Variants in GRXCR2 observed in about 807,000 individuals in gnomAD.
The protein encoded by GRXCR2 is glutaredoxin and cysteine rich domain containing 2.
Under a neutral mutation model 24.8 loss-of-function variants are expected in GRXCR2, and 23 were observed. That is an observed-to-expected ratio of 0.93 (90% CI 0.67 to 1.32). The LOEUF (loss-of-function observed/expected upper bound fraction) is 1.32, where lower values mean the gene tolerates loss of function less well. Ranked by LOEUF, GRXCR2 falls within the 40% of genes most tolerant of loss-of-function variation. The pLI, the probability that GRXCR2 is intolerant of heterozygous loss-of-function variation, is 0.00. For missense variants in GRXCR2, 315 were observed against 303.4 expected (o/e 1.04, Z -0.28); for synonymous variants, 130 against 116.1 (o/e 1.12, Z -0.77).
At chr5:145,923,021 A>G (rs566912252) in intron 2 of GRXCR2, among the ~76,000 whole-genome samples, 1 of 152,248 alleles carries the variant, frequency 6.6e-6, no homozygotes, top group Admixed American at 6.5e-5. Context: ...GGATCACCAC[A>G]TCAGTGCCAC....
chr5:145,906,103 G>A (rs1281217408), intron 2 of GRXCR2, among the ~76,000 whole-genome samples: 1 of 152,152 alleles, frequency 6.6e-6, no homozygotes, highest in Non-Finnish European at 1.5e-5. Context: ...AATGCAGGAT[G>A]AGCCTGGTAA....
chr5:145,885,455 C>G (rs769629987), intron 2 of GRXCR2, among the ~76,000 whole-genome samples: 2 of 152,120 alleles, frequency 1.3e-5, no homozygotes, highest in Non-Finnish European at 2.9e-5. Context: ...GCTTGTTCCA[C>G]GTTTCTCCCT....
upstream of GRXCR2, among the ~76,000 whole-genome samples, chr5:145,877,189 G>GA (rs1262779796): frequency 4.6e-5 from 7 of 151,382 alleles, no homozygotes; most frequent in Non-Finnish European, 1.0e-4. Context: ...TTCATACTGG[G>GA]AAAAAAATTG....
At chr5:145,901,263 A>G (rs1191357470) in intron 2 of GRXCR2, among the ~76,000 whole-genome samples, 1 of 152,110 alleles carries the variant, frequency 6.6e-6, no homozygotes, top group Non-Finnish European at 1.5e-5. Context: ...AATATACCCA[A>G]GTATATTATG....
intron 2 of GRXCR2, among the ~76,000 whole-genome samples, chr5:145,905,537 C>T (rs1483832460): frequency 6.6e-6 from 1 of 152,054 alleles, no homozygotes; most frequent in Non-Finnish European, 1.5e-5. Context: ...AATTTAGAGT[C>T]CAATAGAGGA....
At chr5:145,861,030 G>A (rs1756328530) in intron 2 of GRXCR2, among the ~76,000 whole-genome samples, 1 of 151,726 alleles carries the variant, frequency 6.6e-6, no homozygotes, top group South Asian at 2.1e-4. Context: ...AACCTTCCCA[G>A]AAATAAGGGG....
rs530827841 is a variant in GRXCR2, at chr5:145,915,482, C to A, written c.-70+20219G>T. 9.2e-5 allele frequency among the ~76,000 whole-genome samples: 14 copies of A among 152,200 alleles called. 1 individual carries two copies. In the South Asian group the frequency reaches 2.9e-3, roughly 32 times the overall value. Reference sequence around the variant, plus strand: ...AACAACCTCAAGCCACTGAATCCTGCTGGTTACAAACGTAGGCTCAGGCCG... The same window carrying A: ...AACAACCTCAAGCCACTGAATCCTGATGGTTACAAACGTAGGCTCAGGCCG... On this transcript the variant is annotated intron_variant, in intron 2 of 3. Coordinates refer to the GRXCR2 transcript ENST00000639411.
At chr5:145,884,436 A>G (rs1347393991) in intron 2 of GRXCR2, among the ~76,000 whole-genome samples, 3 of 152,180 alleles carry the variant, frequency 2.0e-5, no homozygotes, top group African/African-American at 4.8e-5. Flanking sequence ...AAGGAACTAG[A>G]GAATTATTGT....
At chr5:145,925,208 G>T (rs1338965256) in intron 2 of GRXCR2, among the ~76,000 whole-genome samples, 2 of 152,104 alleles carry the variant, frequency 1.3e-5, no homozygotes, top group Non-Finnish European at 2.9e-5. Context: ...TTAATAAGAT[G>T]GCACCAGCCA....
At chr5:145,873,024 G>A, upstream of GRXCR2, 4 of 1,446,934 alleles carry the variant, frequency 2.8e-6, no homozygotes, top group Non-Finnish European at 3.8e-6. Context: ...TGAAACTTGG[G>A]CCTCTGAGAA....
chr5:145,894,746 C>T (rs571546884), intron 2 of GRXCR2, among the ~76,000 whole-genome samples: 2 of 152,026 alleles, frequency 1.3e-5, no homozygotes, highest in African/African-American at 2.4e-5. Context: ...CTATTCCAAT[C>T]AATAGAAAAA....
intron 2 of GRXCR2, among the ~76,000 whole-genome samples, chr5:145,926,431 C>T (rs1341745719): frequency 6.6e-6 from 1 of 152,150 alleles, no homozygotes; most frequent in African/African-American, 2.4e-5. Flanking sequence ...GATCCAGTTT[C>T]AGCTTTCTAC....
At chr5:145,905,991 A>G (rs1234293451) in intron 2 of GRXCR2, among the ~76,000 whole-genome samples, 1 of 152,238 alleles carries the variant, frequency 6.6e-6, no homozygotes, top group African/African-American at 2.4e-5. Flanking sequence ...TGAATGCCAG[A>G]CCAAGAATTT....
chr5:145,907,930 G>A (rs1757113759), intron 2 of GRXCR2, among the ~76,000 whole-genome samples: 1 of 152,320 alleles, frequency 6.6e-6, no homozygotes, highest in African/African-American at 2.4e-5. Context: ...GTGCCTGCTA[G>A]ACTTCTAAGT....
intron 2 of GRXCR2, among the ~76,000 whole-genome samples, chr5:145,906,336 AG>A (rs1757089370): frequency 6.6e-6 from 1 of 151,396 alleles, no homozygotes. Context: ...CTTGGACTTT[AG>A]GGGAAAATGT....
rs560425082 is a variant in GRXCR2, at chr5:145,862,910, G to A, written c.565-2995C>T. Among the ~76,000 whole-genome samples, 11 of 152,284 alleles carry A rather than the reference G, an allele frequency of 7.2e-5. No homozygotes were observed. In the South Asian group the frequency reaches 2.3e-3, roughly 32 times the overall value. The stretch of plus-strand genomic sequence containing the variant: ...ACTGTTGCATGGAGCATTGGTCATG[G>A]TGCCTGGCTATCATGAGTCCTCAAT... On this transcript the variant is annotated intron_variant, in intron 2 of 2. Coordinates refer to ENST00000377976, the MANE Select transcript of GRXCR2 (RefSeq NM_001080516.2).
At chr5:145,901,657 T>G (rs1358583340) in intron 2 of GRXCR2, among the ~76,000 whole-genome samples, 1 of 152,094 alleles carries the variant, frequency 6.6e-6, no homozygotes, top group African/African-American at 2.4e-5. Flanking sequence ...ATGAGGTGGA[T>G]AGAGCAGGTC....
intron 2 of GRXCR2, among the ~76,000 whole-genome samples, chr5:145,891,713 C>T (rs960571095): frequency 8.3e-4 from 127 of 152,288 alleles, no homozygotes; most frequent in Non-Finnish European, 1.7e-3. Context: ...GGGGGCAGGG[C>T]ATAGCCAAAC....
chr5:145,892,352 T>C (rs980513540), intron 2 of GRXCR2, among the ~76,000 whole-genome samples: 3 of 152,028 alleles, frequency 2.0e-5, no homozygotes, highest in Non-Finnish European at 2.9e-5. Context: ...AGAAGGAAGT[T>C]CGAACCCATG....
Sources: allele counts gnomAD v4.1 joint callset (sites outside exome capture counted in the v4.1 genomes callset), GRCh38; gene constraint gnomAD v4.1.1; transcripts MANE v1.5; gene names NCBI Gene and HGNC (gene_info 2026-07-23, HGNC 2026-07-21).